Variants in NEGR1 observed in about 807,000 individuals in gnomAD.
NEGR1 encodes neuronal growth regulator 1.
Under a neutral mutation model 40.9 loss-of-function variants are expected in NEGR1, and 10 were observed. That is an observed-to-expected ratio of 0.24 (90% CI 0.15 to 0.42). The LOEUF (loss-of-function observed/expected upper bound fraction) is 0.42, where lower values mean the gene tolerates loss of function less well. Ranked by LOEUF, NEGR1 falls within the 10% of genes least tolerant of loss-of-function variation. NEGR1 has a pLI of 1.00. For missense variants in NEGR1, 352 were observed against 438.9 expected (o/e 0.80, Z 1.77); for synonymous variants, 185 against 166.8 (o/e 1.11, Z -0.84).
chr1:72,174,072 C>T (rs1001730606), intron 1 of NEGR1, among the ~76,000 whole-genome samples: 1 of 152,014 alleles, frequency 6.6e-6, no homozygotes, highest in African/African-American at 2.4e-5. Context: ...ACATGGACAT[C>T]CCAATCGTTT....
rs1030730313 is a variant in NEGR1, at chr1:71,408,375, A to C, written c.941-805T>G. Among the ~76,000 whole-genome samples, 7 of 152,056 alleles carry C rather than the reference A, an allele frequency of 4.6e-5. No homozygotes were observed. The South Asian group carries it at 6.2e-4, about 14-fold the overall frequency. Reference sequence around the variant, plus strand: ...AGGGACTAGGTTTTTATATTGAAAGACATTTTGAAGAATTTGGAGAGTTGA... The same window carrying C: ...AGGGACTAGGTTTTTATATTGAAAGCCATTTTGAAGAATTTGGAGAGTTGA... On this transcript the variant is annotated intron_variant, in intron 6 of 6. Transcript: ENST00000357731.
chr1:72,246,214 T>C (rs1383352748), intron 1 of NEGR1, among the ~76,000 whole-genome samples: 3 of 152,330 alleles, frequency 2.0e-5, no homozygotes, highest in Non-Finnish European at 4.4e-5. Context: ...CCTGACTAGA[T>C]GGTTGAAACA....
At chr1:71,775,819 C>A (rs905856940) in intron 3 of NEGR1, among the ~76,000 whole-genome samples, 4 of 151,764 alleles carry the variant, frequency 2.6e-5, no homozygotes, top group South Asian at 2.1e-4. Flanking sequence ...TGGTAAACCC[C>A]TTCTCTACTA....
chr1:71,825,958 GTC>G (rs1245733389), intron 2 of NEGR1, among the ~76,000 whole-genome samples: 1 of 151,744 alleles, frequency 6.6e-6, no homozygotes, highest in African/African-American at 2.4e-5. Flanking sequence ...CGTTTTACCT[GTC>G]TCTCACATAT....
At chr1:71,489,983 T>C (rs1646915570) in intron 6 of NEGR1, 2 of 151,964 alleles carry the variant, frequency 1.3e-5, no homozygotes, top group African/African-American at 4.8e-5. Flanking sequence ...TGAATTAAAT[T>C]GAATTGCATT....
chr1:71,960,500 T>C (rs1469726074), intron 1 of NEGR1, among the ~76,000 whole-genome samples: 1 of 152,208 alleles, frequency 6.6e-6, no homozygotes, highest in South Asian at 2.1e-4. Context: ...AAAGGTTCTA[T>C]AATGTCTAGA....
intron 1 of NEGR1, among the ~76,000 whole-genome samples, chr1:72,117,032 T>A (rs1649607145): frequency 6.6e-6 from 1 of 151,816 alleles, no homozygotes; most frequent in South Asian, 2.1e-4. Context: ...AGTAGTTTTC[T>A]GTGAGCTTTG....
intron 1 of NEGR1, among the ~76,000 whole-genome samples, chr1:72,191,479 C>T (rs1423243544): frequency 6.6e-6 from 1 of 151,696 alleles, no homozygotes; most frequent in African/African-American, 2.4e-5. Flanking sequence ...ATGCTTACTT[C>T]AACTGGTTTT....
intron 4 of NEGR1, among the ~76,000 whole-genome samples, chr1:71,640,540 TG>T (rs1330541584): frequency 1.3e-5 from 2 of 151,970 alleles, no homozygotes; most frequent in Admixed American, 1.3e-4. Flanking sequence ...AGTTGGTAAG[TG>T]TTAAGTCTTT....
intron 4 of NEGR1, among the ~76,000 whole-genome samples, chr1:71,634,966 G>A (rs906125259): frequency 2.6e-5 from 4 of 152,168 alleles, no homozygotes; most frequent in Admixed American, 1.3e-4. Flanking sequence ...AACCAGGTTT[G>A]CTCAAAAAGT....
intron 1 of NEGR1, among the ~76,000 whole-genome samples, chr1:72,180,041 G>T (rs1044665761): frequency 1.3e-5 from 2 of 151,926 alleles, no homozygotes; most frequent in African/African-American, 4.8e-5. Context: ...CCTAAAATTT[G>T]CATAGAACCG....
At chr1:71,832,585 C>G (rs1351401919) in intron 2 of NEGR1, among the ~76,000 whole-genome samples, 3 of 152,004 alleles carry the variant, frequency 2.0e-5, no homozygotes, top group Non-Finnish European at 4.4e-5. Flanking sequence ...AACAAAACAT[C>G]AAATAACAAT....
intron 1 of NEGR1, among the ~76,000 whole-genome samples, chr1:71,971,299 CT>C (rs1422335984): frequency 6.6e-6 from 1 of 151,292 alleles, no homozygotes; most frequent in Non-Finnish European, 1.5e-5. Flanking sequence ...TTTGCTTTTT[CT>C]TTTTTTTTAA....
rs935648911 is a variant in NEGR1 at position 72,011,759 on chromosome 1, G to A, written c.177-76448C>T. On this transcript the variant is annotated intron_variant, in intron 1 of 6. Coordinates refer to ENST00000357731, the MANE Select transcript of NEGR1 (RefSeq NM_173808.3). The stretch of plus-strand genomic sequence containing the variant: ...TGGTTAAAGAAGGCTTCTAGAACAG[G>A]TGATGTCTAAGCATAATCTTAAACA... Among the ~76,000 whole-genome samples the A allele has an allele frequency of 3.9e-5, 6 of 152,294 alleles. No individual in the cohort carries two copies. The South Asian group carries it at 1.0e-3, about 26-fold the overall frequency.
chr1:72,255,547 C>CTTTTTTTT (rs35452808), intron 1 of NEGR1, among the ~76,000 whole-genome samples: 2 of 125,354 alleles, frequency 1.6e-5, no homozygotes, highest in Admixed American at 8.6e-5. Flanking sequence ...AAAAATACTT[C>CTTTTTTTT]TTTTTTTTTT....
chr1:71,576,922 T>C (rs1024491598), intron 6 of NEGR1, among the ~76,000 whole-genome samples: 7 of 152,210 alleles, frequency 4.6e-5, no homozygotes, highest in South Asian at 2.1e-4. Context: ...ACAAAAATCA[T>C]AGAAGGGGCT....
At chr1:71,883,679 A>T (rs1216191823) in intron 2 of NEGR1, among the ~76,000 whole-genome samples, 1 of 151,004 alleles carries the variant, frequency 6.6e-6, no homozygotes, top group Non-Finnish European at 1.5e-5. Flanking sequence ...GCACCCATTA[A>T]CTCATCATTT....
chr1:71,970,758 T>TA (rs1450691032), intron 1 of NEGR1, among the ~76,000 whole-genome samples: 2 of 152,006 alleles, frequency 1.3e-5, no homozygotes, highest in African/African-American at 4.8e-5. Context: ...TTCTTATATG[T>TA]AAAAAAGAGA....
chr1:71,500,169 T>C (rs935882061), intron 6 of NEGR1, among the ~76,000 whole-genome samples: 3 of 152,108 alleles, frequency 2.0e-5, no homozygotes, highest in Non-Finnish European at 2.9e-5. Context: ...TAACTCACCA[T>C]GTCATAAGTT....
Sources: allele counts gnomAD v4.1 joint callset (sites outside exome capture counted in the v4.1 genomes callset), GRCh38; gene constraint gnomAD v4.1.1; transcripts MANE v1.5; gene names NCBI Gene and HGNC (gene_info 2026-07-23, HGNC 2026-07-21).